The following ELF1 variants were observed in gnomAD, a reference collection of about 807,000 sequenced individuals.
ELF1 encodes ETS-related transcription factor Elf-1.
A neutral mutation model predicts 59.9 loss-of-function variants in ELF1; 24 were observed. The observed-to-expected ratio is 0.40, with a 90% CI of 0.29 to 0.56. ELF1 has a LOEUF of 0.56. ELF1 is among the 20% of genes least tolerant of loss of function. The pLI, the probability that ELF1 is intolerant of heterozygous loss-of-function variation, is 0.44. For missense variants in ELF1, 627 were observed against 742.2 expected (o/e 0.84, Z 1.80); for synonymous variants, 248 against 266.2 (o/e 0.93, Z 0.67).
At chr13:41,045,192 A>C (rs573929303) in intron 1 of ELF1, among the ~76,000 whole-genome samples, 131 of 140,882 alleles carry the variant, frequency 9.3e-4, no homozygotes, top group African/African-American at 2.8e-3. Flanking sequence ...TCTTTTCTTC[A>C]TTAGTCTTGC....
At chr13:40,985,989 G>A (rs565610538) in intron 1 of ELF1, among the ~76,000 whole-genome samples, 1 of 143,166 alleles carries the variant, frequency 7.0e-6, no homozygotes, top group Admixed American at 7.2e-5. Flanking sequence ...AGTTTTCAGA[G>A]GGCATCCAGG....
At chr13:40,944,301 A>G (rs548738758) in intron 5 of ELF1, among the ~76,000 whole-genome samples, 1 of 152,354 alleles carries the variant, frequency 6.6e-6, no homozygotes, top group African/African-American at 2.4e-5. Flanking sequence ...AATAAGCCAT[A>G]CAGTTTTGTC....
At chr13:40,971,020 C>T (rs1641468488) in intron 2 of ELF1, among the ~76,000 whole-genome samples, 2 of 152,102 alleles carry the variant, frequency 1.3e-5, no homozygotes, top group Non-Finnish European at 2.9e-5. Context: ...TTGACACATA[C>T]TAGTCACCCA....
At chr13:40,946,894 A>C (rs890295336) in intron 5 of ELF1, among the ~76,000 whole-genome samples, 1 of 152,128 alleles carries the variant, frequency 6.6e-6, no homozygotes, top group Non-Finnish European at 1.5e-5. Context: ...TTTTACATGG[A>C]TTTTTGGCTG....
chr13:40,995,671 A>C (rs921423740), intron 1 of ELF1, among the ~76,000 whole-genome samples: 44 of 152,086 alleles, frequency 2.9e-4, no homozygotes, highest in Non-Finnish European at 2.9e-5. Flanking sequence ...TTAAAAAAAA[A>C]AAAAAGAATC....
At chr13:40,949,471 C>T (rs1870711555) in intron 5 of ELF1, among the ~76,000 whole-genome samples, 1 of 152,066 alleles carries the variant, frequency 6.6e-6, no homozygotes, top group Non-Finnish European at 1.5e-5. Flanking sequence ...GATCCTCCAC[C>T]TTGGCCTCCC....
intron 2 of ELF1, among the ~76,000 whole-genome samples, chr13:40,976,167 A>C (rs757575595): frequency 1.3e-5 from 2 of 152,228 alleles, no homozygotes; most frequent in Non-Finnish European, 2.9e-5. Context: ...TTCTGAGCAA[A>C]CAGTGGGGAA....
At chr13:40,945,554 G>A (rs1466982592) in intron 5 of ELF1, among the ~76,000 whole-genome samples, 2 of 152,124 alleles carry the variant, frequency 1.3e-5, no homozygotes, top group African/African-American at 4.8e-5. Flanking sequence ...TACCAACAAT[G>A]CATTTAGGCC....
intron 8 of ELF1, among the ~76,000 whole-genome samples, chr13:40,937,873 G>A (rs1285309793): frequency 6.6e-6 from 1 of 152,184 alleles, no homozygotes; most frequent in Non-Finnish European, 1.5e-5. Context: ...GGAGTGCAGT[G>A]ATGCAATCTT....
chr13:40,975,359 T>C (rs1452118557), intron 2 of ELF1, among the ~76,000 whole-genome samples: 1 of 152,230 alleles, frequency 6.6e-6, no homozygotes, highest in Non-Finnish European at 1.5e-5. Flanking sequence ...AGGAAAGTTC[T>C]ATATGAATGT....
At chr13:40,965,521 C>T (rs948682709) in intron 2 of ELF1, among the ~76,000 whole-genome samples, 7 of 151,792 alleles carry the variant, frequency 4.6e-5, no homozygotes, top group Non-Finnish European at 8.8e-5. Context: ...TACTCAGGAG[C>T]CTGAGGCATG....
intron 2 of ELF1, among the ~76,000 whole-genome samples, chr13:40,975,271 A>G (rs537169019): frequency 8.9e-4 from 135 of 152,354 alleles, no homozygotes; most frequent in African/African-American, 2.7e-3. Context: ...ACCTAACAGA[A>G]TCTTGCCATT....
At chr13:40,960,396 A>G (rs1261721595) in intron 2 of ELF1, among the ~76,000 whole-genome samples, 1 of 152,146 alleles carries the variant, frequency 6.6e-6, no homozygotes, top group African/African-American at 2.4e-5. Flanking sequence ...GTCTTTCACA[A>G]TCTTGACACT....
At chr13:41,003,568 C>G (rs911739548) in intron 1 of ELF1, among the ~76,000 whole-genome samples, 7 of 152,128 alleles carry the variant, frequency 4.6e-5, no homozygotes, top group African/African-American at 1.7e-4. Flanking sequence ...GCTCTGTTGA[C>G]AAGACGACTG....
At chr13:40,994,859 T>C (rs974429450) in intron 1 of ELF1, among the ~76,000 whole-genome samples, 4 of 152,182 alleles carry the variant, frequency 2.6e-5, no homozygotes, top group African/African-American at 9.7e-5. Context: ...ATACTTCCAT[T>C]TTCTTAGAAA....
At chr13:41,001,309 T>C (rs964460897) in intron 1 of ELF1, among the ~76,000 whole-genome samples, 4 of 151,970 alleles carry the variant, frequency 2.6e-5, no homozygotes, top group African/African-American at 9.7e-5. Context: ...ATATGAAGGC[T>C]GGGCATGGTG....
intron 1 of ELF1, among the ~76,000 whole-genome samples, chr13:41,006,955 A>G (rs1159228069): frequency 6.6e-6 from 1 of 152,180 alleles, no homozygotes; most frequent in African/African-American, 2.4e-5. Context: ...GTTTATCTAA[A>G]ACATAAAATT....
In ELF1 at chr13:40,933,368, C is replaced by CAT. The variant is rs983374531; in HGVS notation, c.*55_*56dup. Reference sequence around the variant, plus strand: ...ATTTATCTTAGAATCAGTCAGTCTGCATATAATTGAAAATGTTCAATTAAC... The same window carrying CAT: ...ATTTATCTTAGAATCAGTCAGTCTGCATATATAATTGAAAATGTTCAATTAAC... On this transcript the variant is annotated 3_prime_UTR_variant, in exon 9 of 9. Coordinates refer to ENST00000239882, the MANE Select transcript of ELF1 (RefSeq NM_172373.4). 1 of 1,549,654 alleles carries CAT rather than the reference C, an allele frequency of 6.5e-7. No individual in the cohort carries two copies. The highest frequency in any genetic ancestry group is 1.4e-5 in the African/African-American group (1 of 72,528).
Position 41,026,808 on chromosome 13 carries a change from C to T in ELF1, c.-229+34030G>A, listed in dbSNP as rs546525643. ...GGTAACATATATGTGATTGGGCCTG[C>T]GTAGGTCCTAAAGGCACAAGTTACA... On this transcript the variant is annotated intron_variant, in intron 1 of 1. Coordinates refer to the ELF1 transcript ENST00000405737. Among the ~76,000 whole-genome samples the T allele has an allele frequency of 3.9e-5, 6 of 152,276 alleles. No homozygotes were observed. In the East Asian group the frequency reaches 1.2e-3, roughly 29 times the overall value.
Sources: gnomAD v4.1 joint callset for allele counts (sites outside exome capture counted in the v4.1 genomes callset) on GRCh38, gnomAD v4.1.1 for gene constraint, MANE v1.5 for transcripts, NCBI Gene and HGNC (gene_info 2026-07-23, HGNC 2026-07-21) for gene names.